TENM3: variants seen among roughly 807,000 people sequenced by gnomAD.
The protein encoded by TENM3 is teneurin-3.
A neutral mutation model predicts 255.1 loss-of-function variants in TENM3; 63 were observed. That is an observed-to-expected ratio of 0.25 (90% CI 0.20 to 0.30). The LOEUF is 0.30. Ranked by LOEUF, TENM3 falls within the 10% of genes least tolerant of loss-of-function variation. The pLI is 1.00. For missense variants in TENM3, 2,929 were observed against 3,461.1 expected (o/e 0.85, Z 3.86); for synonymous variants, 1,306 against 1,322.3 (o/e 0.99, Z 0.27).
At chr4:182,456,565 T>C (rs1773889249) in intron 3 of TENM3, among the ~76,000 whole-genome samples, 1 of 152,294 alleles carries the variant, frequency 6.6e-6, no homozygotes, top group East Asian at 1.9e-4. Flanking sequence ...AATGTTAACT[T>C]ACATGTACAG....
At chr4:181,671,198 AAAATTATGGTC>A in the TENM3 span, among the ~76,000 whole-genome samples, 5 of 152,188 alleles carry the variant, frequency 3.3e-5, no homozygotes, top group Non-Finnish European at 7.3e-5. Flanking sequence ...ATGTTTTCCA[AAAATTATGGTC>A]AACTTACCTC....
chr4:181,684,350 G>A, the TENM3 span, among the ~76,000 whole-genome samples: 13 of 152,142 alleles, frequency 8.5e-5, no homozygotes, highest in African/African-American at 3.1e-4. Context: ...TCCTCTTTCT[G>A]CTGCCTTCCT....
intron 3 of TENM3, among the ~76,000 whole-genome samples, chr4:182,566,603 G>A (rs1316462870): frequency 6.6e-6 from 1 of 152,128 alleles, no homozygotes; most frequent in Non-Finnish European, 1.5e-5. Context: ...AGCCTTTCAC[G>A]CACTGTGTCA....
At position 182,793,182 on chromosome 4, in the gene TENM3, G is replaced by A. The variant is rs892491327; in HGVS notation, c.6510G>A (p.Leu2170=). Reference sequence around the variant, plus strand: ...TGAACCCAAGTAACAGTGCGCGTCTGACACCCCTTCGCTATGACCTGCGAG... The same window carrying A: ...TGAACCCAAGTAACAGTGCGCGTCTAACACCCCTTCGCTATGACCTGCGAG... The part of the protein sequence containing the change: ...HLLNPSNSAR[L]TPLRYDLRDR... The change falls in exon 26 of 28, where the codon CTG becomes CTA. Residue 2170 remains leucine, a synonymous_variant. Coordinates refer to ENST00000511685, the MANE Select transcript of TENM3 (RefSeq NM_001080477.4). The surrounding 1 kb of genome is among the most constrained non-coding windows in gnomAD (Gnocchi z 5.7). The A allele has an allele frequency of 5.0e-6, 8 of 1,614,010 alleles. No individual in the cohort carries two copies. The highest frequency in any genetic ancestry group is 3.3e-5 in the Admixed American group (2 of 60,030).
chr4:181,717,594 T>C, the TENM3 span, among the ~76,000 whole-genome samples: 2 of 152,222 alleles, frequency 1.3e-5, no homozygotes, highest in Non-Finnish European at 2.9e-5. Flanking sequence ...GTGGAAGTTA[T>C]AACAATAGTT....
At chr4:182,034,835 C>T in the TENM3 span, among the ~76,000 whole-genome samples, 6 of 152,028 alleles carry the variant, frequency 3.9e-5, no homozygotes, top group Admixed American at 3.9e-4. Context: ...TCATTTCAAC[C>T]TTGGAGAATC....
intron 5 of TENM3, among the ~76,000 whole-genome samples, chr4:182,641,526 T>G (rs1266000797): frequency 3.3e-5 from 5 of 150,878 alleles, no homozygotes; most frequent in East Asian, 2.0e-4. Flanking sequence ...GCAGTTTTTT[T>G]TTGTTGTTTT....
intron 3 of TENM3, among the ~76,000 whole-genome samples, chr4:182,496,749 G>T (rs1170446412): frequency 6.6e-6 from 1 of 152,082 alleles, no homozygotes; most frequent in Non-Finnish European, 1.5e-5. Flanking sequence ...TGTGCTTTAC[G>T]ATTTATCATA....
chr4:182,180,135 T>A (rs1579621346), intron 1 of TENM3, among the ~76,000 whole-genome samples: 1 of 85,118 alleles, frequency 1.2e-5, no homozygotes, highest in South Asian at 3.0e-4. Context: ...GAAGAGTTTT[T>A]TTTTTTTAAA....
At chr4:181,669,113 C>T in the TENM3 span, among the ~76,000 whole-genome samples, 2 of 152,080 alleles carry the variant, frequency 1.3e-5, no homozygotes, top group African/African-American at 4.8e-5. Context: ...AAAAAATTAC[C>T]AGCAATAATT....
the TENM3 span, among the ~76,000 whole-genome samples, chr4:181,593,811 G>A: frequency 1.3e-5 from 2 of 152,178 alleles, no homozygotes; most frequent in East Asian, 1.9e-4. Flanking sequence ...ATATATTGAT[G>A]TGACAGTTGG....
chr4:181,877,272 G>A, the TENM3 span, among the ~76,000 whole-genome samples: 12 of 152,182 alleles, frequency 7.9e-5, no homozygotes, highest in Admixed American at 4.6e-4. Context: ...ATAGTAATTC[G>A]TGATAAAAAT....
chr4:181,828,671 C>T, the TENM3 span, among the ~76,000 whole-genome samples: 2 of 152,208 alleles, frequency 1.3e-5, no homozygotes, highest in East Asian at 1.9e-4. Flanking sequence ...TCACTGCAAC[C>T]TCCACCTTGC....
chr4:182,071,212 T>C, the TENM3 span, among the ~76,000 whole-genome samples: 2 of 152,192 alleles, frequency 1.3e-5, no homozygotes, highest in Non-Finnish European at 2.9e-5. Context: ...TTTGAGCCAG[T>C]GCCTGACACA....
chr4:181,841,480 G>T, the TENM3 span, among the ~76,000 whole-genome samples: 1 of 152,016 alleles, frequency 6.6e-6, no homozygotes, highest in African/African-American at 2.4e-5. Context: ...AATGCTCTTT[G>T]TTCCCATACA....
At chr4:182,689,088 A>G (rs955336836) in intron 12 of TENM3, among the ~76,000 whole-genome samples, 1 of 152,242 alleles carries the variant, frequency 6.6e-6, no homozygotes, top group Non-Finnish European at 1.5e-5. Context: ...ACCATTTGTC[A>G]CTAAAATTAA....
rs9637687 is a variant in TENM3 at position 182,461,484 on chromosome 4, G to A, written c.511+114555G>A. 3.8e-3 allele frequency among the ~76,000 whole-genome samples: 573 copies of A among 152,228 alleles called. 1 individual carries two copies. The highest frequency in any genetic ancestry group is 0.013 in the African/African-American group (559 of 41,562). On this transcript the variant is annotated intron_variant, in intron 3 of 27. Coordinates refer to ENST00000511685, the MANE Select transcript of TENM3 (RefSeq NM_001080477.4). The stretch of plus-strand genomic sequence containing the variant: ...AGAACATGGAGGACCATGAATTTCA[G>A]ATCAAAAGGTTTAAATGTACCTTTG...
At chr4:181,582,289 G>T in the TENM3 span, among the ~76,000 whole-genome samples, 2 of 151,880 alleles carry the variant, frequency 1.3e-5, no homozygotes, top group South Asian at 2.1e-4. Context: ...AGAAAAAGGA[G>T]CAGGGAGAGA....
chr4:181,670,865 CA>C, the TENM3 span, among the ~76,000 whole-genome samples: 3 of 152,046 alleles, frequency 2.0e-5, no homozygotes, highest in Non-Finnish European at 2.9e-5. Context: ...ACATTTATTA[CA>C]AAAAAATCTA....
Sources: allele counts gnomAD v4.1 joint callset (sites outside exome capture counted in the v4.1 genomes callset), GRCh38; gene constraint gnomAD v4.1.1; non-coding constraint Gnocchi (gnomAD v3.1); transcripts MANE v1.5; gene names NCBI Gene and HGNC (gene_info 2026-07-23, HGNC 2026-07-21).